Variants in KCNJ3 observed in about 807,000 individuals in gnomAD.
The protein encoded by KCNJ3 is potassium inwardly rectifying channel subfamily J member 3.
A neutral mutation model predicts 39.2 loss-of-function variants in KCNJ3; 4 were observed. The observed-to-expected ratio is 0.10, with a 90% confidence interval of 0.05 to 0.23. The LOEUF (loss-of-function observed/expected upper bound fraction) is 0.23, where lower values mean the gene tolerates loss of function less well. Among genes scored for constraint, KCNJ3 ranks in the 10% least tolerant of loss-of-function variants. KCNJ3 has a pLI of 1.00. For synonymous variants in KCNJ3, 230 were observed against 237.4 expected, an observed-to-expected ratio of 0.97 and a Z score of 0.29; for missense variants, 276 against 634.9, an observed-to-expected ratio of 0.43 and a Z score of 6.08.
In KCNJ3 at chr2:154,728,628, G is replaced by A. The variant is rs114812092; in HGVS notation, c.919+18809G>A. Reference sequence around the variant, plus strand: ...TCTGAATTTCCTATAAAAGAATGTAGCATGTGATATTTAAAACTTGCCAAT... The same window carrying A: ...TCTGAATTTCCTATAAAAGAATGTAACATGTGATATTTAAAACTTGCCAAT... On this transcript the variant is annotated intron_variant, in intron 2 of 2. Transcript: ENST00000295101. Among the ~76,000 whole-genome samples, 1,240 of 152,230 alleles carry A rather than the reference G, an allele frequency of 8.1e-3. 12 individuals are homozygous for A. Among genetic ancestry groups the A allele is most frequent in the African/African-American group, 0.028 (1,162 of 41,528 alleles).
chr2:154,727,423 T>C (rs1685377330), intron 2 of KCNJ3, among the ~76,000 whole-genome samples: 1 of 142,144 alleles, frequency 7.0e-6, no homozygotes, highest in South Asian at 2.2e-4. Flanking sequence ...CCGTCTCTAC[T>C]AAAAAAAAAA....
At chr2:154,787,927 T>C (rs1414983443) in intron 2 of KCNJ3, among the ~76,000 whole-genome samples, 2 of 152,200 alleles carry the variant, frequency 1.3e-5, no homozygotes, top group African/African-American at 2.4e-5. Flanking sequence ...GCTTATGATA[T>C]GATCCAACAT....
Position 154,698,857 on chromosome 2 carries a change from G to A in KCNJ3, c.82G>A (p.Gly28Arg), listed in dbSNP as rs1308324324. The A allele has an allele frequency of 1.9e-6, 3 of 1,614,184 alleles. No individual in the cohort carries two copies. Among genetic ancestry groups the A allele is most frequent in the Admixed American group, 1.7e-5 (1 of 60,036 alleles). ...CAGCGGCTCGGGCTTGCAGCCCCAG[G>A]GGCCAGGCCAGGACCCTCAGCAGCA... ...SSSGSGLQPQ[G>R]PGQDPQQQLV... Residue 28 changes from glycine to arginine, a missense_variant, in exon 1 of 3, where the codon GGG (glycine) becomes AGG (arginine). Around this residue, in one of 4 missense-constraint regions of KCNJ3, gnomAD observed 27 missense variants for 48.5 expected, o/e 0.56. Transcript: ENST00000295101.
intron 2 of KCNJ3, among the ~76,000 whole-genome samples, chr2:154,727,591 CAAAA>C (rs546038652): frequency 1.1e-5 from 1 of 91,352 alleles, no homozygotes; most frequent in East Asian, 3.2e-4. Flanking sequence ...GAAACTCCGT[CAAAA>C]AAAAAAAAAA....
At chr2:154,742,787 A>G (rs190981455) in intron 2 of KCNJ3, among the ~76,000 whole-genome samples, 178 of 151,922 alleles carry the variant, frequency 1.2e-3, no homozygotes, top group Non-Finnish European at 2.0e-3. Flanking sequence ...TTTATCAGAT[A>G]TATGATTTGC....
chr2:154,840,076 C>T (rs1344297080), intron 2 of KCNJ3, among the ~76,000 whole-genome samples: 1 of 152,154 alleles, frequency 6.6e-6, no homozygotes, highest in Non-Finnish European at 1.5e-5. Flanking sequence ...TTAGGTCTAA[C>T]ATTTAAGTCT....
At chr2:154,778,122 A>C (rs900084979) in intron 2 of KCNJ3, among the ~76,000 whole-genome samples, 1 of 152,196 alleles carries the variant, frequency 6.6e-6, no homozygotes, top group Admixed American at 6.5e-5. Context: ...CTAAATCTTT[A>C]TTGAAGAGTC....
chr2:154,771,137 C>T (rs1391556447), intron 2 of KCNJ3, among the ~76,000 whole-genome samples: 8 of 151,982 alleles, frequency 5.3e-5, no homozygotes, highest in African/African-American at 9.7e-5. Context: ...GTGATCTGCC[C>T]GCCTCGGCCT....
chr2:154,788,903 A>C (rs1250704193), intron 2 of KCNJ3, among the ~76,000 whole-genome samples: 2 of 152,086 alleles, frequency 1.3e-5, no homozygotes, highest in African/African-American at 2.4e-5. Flanking sequence ...AGGTTACTCA[A>C]AATTTGCCTC....
intron 2 of KCNJ3, among the ~76,000 whole-genome samples, chr2:154,710,396 T>C (rs1188734332): frequency 6.6e-6 from 1 of 152,204 alleles, no homozygotes; most frequent in African/African-American, 2.4e-5. Context: ...TTTTTTTCTT[T>C]TTCTGCTCCT....
chr2:154,758,117 G>T (rs1685974517), intron 2 of KCNJ3, among the ~76,000 whole-genome samples: 2 of 152,090 alleles, frequency 1.3e-5, no homozygotes, highest in Non-Finnish European at 2.9e-5. Context: ...TAACAATAGA[G>T]AACGTCTTGA....
intron 2 of KCNJ3, among the ~76,000 whole-genome samples, chr2:154,760,735 C>CT (rs887796000): frequency 0.083 from 10,545 of 127,644 alleles, 863 homozygotes; most frequent in African/African-American, 0.18. Flanking sequence ...TCTTTTTTTT[C>CT]TTTTTTTTTT....
chr2:154,729,672 A>G (rs1443224584), intron 2 of KCNJ3, among the ~76,000 whole-genome samples: 1 of 152,222 alleles, frequency 6.6e-6, no homozygotes, highest in Non-Finnish European at 1.5e-5. Context: ...ATCATGACTT[A>G]TCATCATCAA....
intron 1 of KCNJ3, among the ~76,000 whole-genome samples, chr2:154,707,932 A>G (rs1054901083): frequency 6.6e-6 from 1 of 152,120 alleles, no homozygotes; most frequent in African/African-American, 2.4e-5. Flanking sequence ...ATGTTTTACT[A>G]ATTTGAGAAT....
intron 2 of KCNJ3, among the ~76,000 whole-genome samples, chr2:154,740,134 A>G (rs912995470): frequency 1.4e-4 from 22 of 152,012 alleles, no homozygotes; most frequent in African/African-American, 4.8e-4. Context: ...TGAGTTAACA[A>G]TTTTTGTTAT....
chr2:154,837,038 T>G (rs547846879), intron 2 of KCNJ3, among the ~76,000 whole-genome samples: 1 of 152,266 alleles, frequency 6.6e-6, no homozygotes, highest in South Asian at 2.1e-4. Context: ...GGGATAGAAA[T>G]TTCACCAAAA....
intron 2 of KCNJ3, among the ~76,000 whole-genome samples, chr2:154,835,530 T>G (rs2105123961): frequency 6.9e-6 from 1 of 145,866 alleles, no homozygotes; most frequent in East Asian, 2.0e-4. Context: ...TGAATATATA[T>G]TTTCTGGATG....
At chr2:154,729,453 C>T (rs561762150) in intron 2 of KCNJ3, among the ~76,000 whole-genome samples, 2 of 152,104 alleles carry the variant, frequency 1.3e-5, no homozygotes, top group Non-Finnish European at 2.9e-5. Context: ...GACTATGAAC[C>T]TGAATATAGT....
At chr2:154,797,934 C>T (rs1462723079) in intron 2 of KCNJ3, among the ~76,000 whole-genome samples, 1 of 152,070 alleles carries the variant, frequency 6.6e-6, no homozygotes, top group East Asian at 1.9e-4. Context: ...TACAGCAGAT[C>T]TCTAAAGCAT....
Sources: allele counts gnomAD v4.1 joint callset (sites outside exome capture counted in the v4.1 genomes callset), GRCh38; gene constraint gnomAD v4.1.1; regional missense constraint gnomAD v4.1.1; transcripts MANE v1.5; gene names NCBI Gene and HGNC (gene_info 2026-07-23, HGNC 2026-07-21).